NR1D2: variants seen among roughly 807,000 people sequenced by gnomAD.
The protein encoded by NR1D2 is nuclear receptor subfamily 1 group D member 2.
A neutral mutation model predicts 52.2 loss-of-function variants in NR1D2; 25 were observed. That is an observed-to-expected ratio of 0.48 (90% CI 0.35 to 0.67). The LOEUF is 0.67. NR1D2 is among the 30% of genes least tolerant of loss of function. The pLI, the probability that NR1D2 is intolerant of heterozygous loss-of-function variation, is 0.01. For synonymous variants in NR1D2, 259 were observed against 230.1 expected (o/e 1.13, Z -1.14); for missense variants, 681 against 707.2 (o/e 0.96, Z 0.42).
At chr3:23,968,100 T>G in intron 7 of NR1D2, 77 bp downstream of exon 7, 1 of 1,130,380 alleles carries the variant, frequency 8.8e-7, no homozygotes, top group Non-Finnish European at 1.3e-6. Context: ...GTTAACAGGG[T>G]TCCAGAAAGT....
chr3:23,967,184 G>A (rs1484674275), intron 6 of NR1D2, among the ~76,000 whole-genome samples: 4 of 152,166 alleles, frequency 2.6e-5, no homozygotes, highest in African/African-American at 4.8e-5. Flanking sequence ...TCAGCTGGGC[G>A]TGGTGGCGTG....
At chr3:23,974,868 G>T (rs989197535) in intron 7 of NR1D2, among the ~76,000 whole-genome samples, 39 of 151,332 alleles carry the variant, frequency 2.6e-4, no homozygotes, top group Admixed American at 4.6e-4. Flanking sequence ...ACCCAGGCTG[G>T]AGTGCAGGGG....
chr3:23,963,152 A>G (rs1051237074), intron 5 of NR1D2: 1 of 610,702 alleles, frequency 1.6e-6, no homozygotes, highest in Non-Finnish European at 2.6e-6. Flanking sequence ...TCATCTTATG[A>G]GATGACTTAA....
At chr3:23,967,096 T>A (rs1469362814) in intron 6 of NR1D2, among the ~76,000 whole-genome samples, 3 of 152,094 alleles carry the variant, frequency 2.0e-5, no homozygotes, top group African/African-American at 7.2e-5. Flanking sequence ...GAAGCCGAGA[T>A]GGGTGGATCA....
At position 23,966,246 on chromosome 3, in the gene NR1D2, A is replaced by G. The variant is rs1443899590; in HGVS notation, c.1332+1084A>G. ...GATGGAAGAAGTGAGCCAGGGCTAT[A>G]TTTTCACTTCTCCCTGGATTTATTA... On this transcript the variant is annotated intron_variant, in intron 6 of 7. Transcript: ENST00000312521. Among the ~76,000 whole-genome samples, 4 of 152,330 alleles carry G rather than the reference A, an allele frequency of 2.6e-5. No individual in the cohort carries two copies. The East Asian group carries it at 7.7e-4, about 29-fold the overall frequency.
Position 23,963,160 on chromosome 3 carries a change from T to C in NR1D2, c.1146+555T>C, listed in dbSNP as rs911662369. 5 of 701,226 alleles carry C rather than the reference T, an allele frequency of 7.1e-6. No homozygotes were observed. The Admixed American group carries it at 9.7e-5, about 14-fold the overall frequency. 43.4% of individuals were successfully genotyped at this position (701,226 alleles called of 1,614,324 possible). On this transcript the variant is annotated intron_variant, in intron 5 of 7. Coordinates refer to ENST00000312521, the MANE Select transcript of NR1D2 (RefSeq NM_005126.5). ...TCAGACTTCATCTTATGAGATGACT[T>C]AATGTTGGTCATATCATTGAAGCTT...
At position 23,954,788 on chromosome 3, in the gene NR1D2, CAT is replaced by C; in HGVS notation, c.270_271del (p.His90GlnfsTer7). The C allele has an allele frequency of 6.2e-7, 1 of 1,613,664 alleles. No individual in the cohort carries two copies. The part of the protein sequence containing the change: ...KSSAPGMTKS[H>X]SGVTKFSGMV... ...GAGTGCACCTGGGATGACAAAAAGTCATAGTGGTGTGACAAGTAAGTTACTTT... is the reference window on the plus strand; with the variant it reads ...GAGTGCACCTGGGATGACAAAAAGTCAGTGGTGTGACAAGTAAGTTACTTT... On this transcript the variant is annotated frameshift_variant, in exon 2 of 8. Coordinates refer to ENST00000312521, the MANE Select transcript of NR1D2 (RefSeq NM_005126.5). LOFTEE classifies it high-confidence loss of function.
chr3:23,969,319 A>C (rs72628107), intron 7 of NR1D2, among the ~76,000 whole-genome samples: 12 of 152,082 alleles, frequency 7.9e-5, no homozygotes, highest in Non-Finnish European at 1.3e-4. Flanking sequence ...CAAAAAAAAA[A>C]CAAGTTATTT....
At chr3:23,977,068 A>C (rs1035311844) in intron 7 of NR1D2, among the ~76,000 whole-genome samples, 155 bp from the exon 8 acceptor site, 1 of 152,184 alleles carries the variant, frequency 6.6e-6, no homozygotes, top group Non-Finnish European at 1.5e-5. Context: ...TTTGTTACTG[A>C]GATTTTGAGA....
intron 7 of NR1D2, among the ~76,000 whole-genome samples, chr3:23,976,043 C>G (rs1210841472): frequency 6.6e-6 from 1 of 152,194 alleles, no homozygotes; most frequent in African/African-American, 2.4e-5. Context: ...TTTGTATACT[C>G]CTGCCTCCTG....
intron 6 of NR1D2, 34 bp from the exon 7 acceptor site, chr3:23,967,779 A>C: frequency 6.5e-7 from 1 of 1,528,066 alleles, no homozygotes; most frequent in South Asian, 1.1e-5. Context: ...TTGCTGTTAG[A>C]CTTCTCCAAA....
intron 7 of NR1D2, among the ~76,000 whole-genome samples, chr3:23,968,360 A>C (rs1271894661): frequency 6.6e-6 from 1 of 152,240 alleles, no homozygotes; most frequent in African/African-American, 2.4e-5. Context: ...TTGTAATATG[A>C]ATTTCAGTTT....
chr3:23,947,045 G>A (rs1705750537), intron 1 of NR1D2, among the ~76,000 whole-genome samples: 1 of 152,122 alleles, frequency 6.6e-6, no homozygotes, highest in Non-Finnish European at 1.5e-5. Flanking sequence ...TTAACCTGTT[G>A]TCTCACAAAA....
intron 4 of NR1D2, 89 bp from the exon 5 acceptor site, chr3:23,961,888 C>T: frequency 8.3e-7 from 1 of 1,201,628 alleles, no homozygotes; most frequent in Non-Finnish European, 1.1e-6. Flanking sequence ...TGACTAGAGG[C>T]CATAACTGTT....
intron 3 of NR1D2, among the ~76,000 whole-genome samples, 192 bp downstream of exon 3, chr3:23,956,317 TTC>T (rs1267680015): frequency 4.7e-4 from 71 of 152,364 alleles, no homozygotes; most frequent in African/African-American, 1.6e-3. Flanking sequence ...GTGAAAGTAT[TTC>T]TTTTTTCTTT....
At chr3:23,945,916 G>T (rs908240837) in intron 1 of NR1D2, among the ~76,000 whole-genome samples, 1 of 150,886 alleles carries the variant, frequency 6.6e-6, no homozygotes, top group African/African-American at 2.4e-5. Context: ...GGGCGGGCGC[G>T]TGACGCGGCA....
At chr3:23,957,226 G>A (rs1322953740) in intron 3 of NR1D2, among the ~76,000 whole-genome samples, 1 of 151,612 alleles carries the variant, frequency 6.6e-6, no homozygotes, top group Non-Finnish European at 1.5e-5. Flanking sequence ...CAGGTGATCT[G>A]CCCGCCTCGG....
chr3:23,961,368 ATTTCTTT>A (rs1706236996), intron 4 of NR1D2, among the ~76,000 whole-genome samples: 1 of 81,508 alleles, frequency 1.2e-5, no homozygotes, highest in African/African-American at 4.7e-5. Context: ...CTAATTTCAT[ATTTCTTT>A]TTTCTTTTTC....
At chr3:23,971,513 C>T (rs1706590263) in intron 7 of NR1D2, among the ~76,000 whole-genome samples, 1 of 151,902 alleles carries the variant, frequency 6.6e-6, no homozygotes, top group Non-Finnish European at 1.5e-5. Flanking sequence ...AGGTGATCCA[C>T]CCTCCTCGGC....
Sources: gnomAD v4.1 joint callset for allele counts (sites outside exome capture counted in the v4.1 genomes callset) on GRCh38, gnomAD v4.1.1 for gene constraint, MANE v1.5 for transcripts, NCBI Gene and HGNC (gene_info 2026-07-23, HGNC 2026-07-21) for gene names.